The following NSD2 variants were observed in gnomAD, a reference collection of about 807,000 sequenced individuals.
NSD2 encodes the protein nuclear receptor binding SET domain protein 2, also known as histone-lysine N-methyltransferase NSD2.
In NSD2, 12 loss-of-function variants were observed where a neutral mutation model predicts 139.0. The observed-to-expected ratio is 0.09, with a 90% CI of 0.06 to 0.14. The LOEUF is 0.14. Among genes scored for constraint, NSD2 ranks in the 10% least tolerant of loss-of-function variants. The pLI is 1.00. For missense variants in NSD2, 1,155 were observed against 1,745.0 expected, an observed-to-expected ratio of 0.66 and a Z score of 6.02; for synonymous variants, 669 against 648.7, an observed-to-expected ratio of 1.03 and a Z score of -0.48.
At chr4:1,946,597 C>T in intron 9 of NSD2, 2 of 1,026,074 alleles carry the variant, frequency 1.9e-6, no homozygotes, top group Non-Finnish European at 2.3e-6. Flanking sequence ...AAGAAATATT[C>T]TGATTCATAT....
chr4:1,975,573 G>GT (rs2109022448), intron 20 of NSD2, 173 bp downstream of exon 20: 1 of 603,220 alleles, frequency 1.7e-6, no homozygotes, highest in East Asian at 2.8e-5. Context: ...AAGGCCAGTG[G>GT]TTAAGAGTTC....
At chr4:1,872,070 C>T (rs1198392071) in intron 1 of NSD2, among the ~76,000 whole-genome samples, 2 of 151,810 alleles carry the variant, frequency 1.3e-5, no homozygotes, top group Non-Finnish European at 2.9e-5. Context: ...GGCCAGGGGT[C>T]GGGCCGAGGG....
chr4:1,888,204 G>A (rs569369695), intron 1 of NSD2, among the ~76,000 whole-genome samples: 10 of 152,168 alleles, frequency 6.6e-5, no homozygotes, highest in African/African-American at 2.4e-4. Flanking sequence ...CCTGAGGTCA[G>A]GAGTTCGAGA....
At chr4:1,900,307 A>G (rs927200281) in intron 1 of NSD2, among the ~76,000 whole-genome samples, 2 of 152,164 alleles carry the variant, frequency 1.3e-5, no homozygotes, top group African/African-American at 4.8e-5. Context: ...TGTTTCAGGG[A>G]TGATTGGCAA....
chr4:1,907,860 C>T (rs1198144257), intron 3 of NSD2, among the ~76,000 whole-genome samples: 2 of 152,142 alleles, frequency 1.3e-5, no homozygotes, highest in Admixed American at 6.6e-5. Context: ...ATCCACCCAC[C>T]TTGGCCTCCC....
chr4:1,956,548 G>A lies in NSD2; in HGVS notation c.2881+360G>A, dbSNP rs745968741. On this transcript the variant is annotated intron_variant, in intron 15 of 21. Coordinates refer to ENST00000508803, the MANE Select transcript of NSD2 (RefSeq NM_001042424.3). This position sits in a 1 kb window ranked among gnomAD's most constrained non-coding sequence, Gnocchi z 5.3. ...TTGTGCAGCAGGCTCTTGGGGGCTC[G>A]CTTTACCTTTCAGTGCATGAGGAAT... 1.7e-4 allele frequency among the ~76,000 whole-genome samples: 26 copies of A among 152,160 alleles called. No individual in the cohort carries two copies. Among genetic ancestry groups the A allele is most frequent in the Non-Finnish European group, 2.8e-4 (19 of 68,030 alleles).
At chr4:1,931,533 A>G (rs967379356) in intron 6 of NSD2, among the ~76,000 whole-genome samples, 6 of 152,196 alleles carry the variant, frequency 3.9e-5, no homozygotes, top group African/African-American at 9.7e-5. Flanking sequence ...TTAAAAAAAA[A>G]AGTACTGTAT....
chr4:1,896,816 C>CTT (rs1716403608), intron 1 of NSD2, among the ~76,000 whole-genome samples: 2 of 141,398 alleles, frequency 1.4e-5, no homozygotes, highest in Admixed American at 7.3e-5. Flanking sequence ...TTCTTTCTTT[C>CTT]TTTCTTTTCC....
rs1253622631 is a variant in NSD2, at chr4:1,939,767, A to C, written c.1870A>C (p.Thr624Pro). 3.7e-6 allele frequency: 6 copies of C among 1,614,222 alleles called. No homozygotes were observed. Among genetic ancestry groups the C allele is most frequent in the Non-Finnish European group, 5.1e-6 (6 of 1,180,036 alleles). The stretch of plus-strand genomic sequence containing the variant: ...AAGTTCATCTCCTTCTGCATCCTTA[A>C]CTGAGAATGAGGTAAAATAATAATA... ...SKSSSPSASL[T>P]ENEVSDSPGD... Residue 624 changes from threonine to proline, a missense_variant, in exon 9 of 22, where the codon ACT (threonine) becomes CCT (proline). Transcript: ENST00000508803.
intron 1 of NSD2, chr4:1,887,580 GTCC>G (rs1715211621): frequency 2.6e-5 from 4 of 152,660 alleles, no homozygotes; most frequent in African/African-American, 7.2e-5. Context: ...GGCTCAAGCA[GTCC>G]TCCTACTTCA....
At chr4:1,895,693 G>T (rs1039421976) in intron 1 of NSD2, among the ~76,000 whole-genome samples, 1 of 152,218 alleles carries the variant, frequency 6.6e-6, no homozygotes, top group African/African-American at 2.4e-5. Flanking sequence ...TCTCTCAGTG[G>T]CTCTCCCGGG....
At chr4:1,886,726 T>C (rs1375538801) in intron 1 of NSD2, among the ~76,000 whole-genome samples, 1 of 151,916 alleles carries the variant, frequency 6.6e-6, no homozygotes, top group Non-Finnish European at 1.5e-5. Context: ...TAGTCCCAGC[T>C]ACTCAGGAGG....
At position 1,955,180 on chromosome 4, in the gene NSD2, C is replaced by T. The variant is rs1724680286; in HGVS notation, c.2358C>T (p.Val786=). ...CTTCAGGTAAAATGATGCGGTGTGT[C>T]CGCTGCCCCGTTGCCTATCACAGCG... The part of the protein sequence containing the change: ...RPSKGKMMRC[V]RCPVAYHSGD... Residue 786 remains valine, a synonymous_variant, in exon 13 of 22, where the codon GTC becomes GTT. Transcript: ENST00000508803. The surrounding 1 kb of genome is among the most constrained non-coding windows in gnomAD (Gnocchi z 4.7). The T allele has an allele frequency of 4.3e-6, 7 of 1,612,256 alleles. No homozygotes were observed. The highest frequency in any genetic ancestry group is 5.1e-6 in the Non-Finnish European group (6 of 1,178,508).
intron 21 of NSD2, among the ~76,000 whole-genome samples, chr4:1,978,228 C>G (rs1393022590): frequency 6.6e-6 from 1 of 152,198 alleles, no homozygotes; most frequent in Non-Finnish European, 1.5e-5. Context: ...AGGGTGGTCC[C>G]TAACGTGACA....
At chr4:1,895,352 A>C (rs1232162711) in intron 1 of NSD2, among the ~76,000 whole-genome samples, 1 of 152,196 alleles carries the variant, frequency 6.6e-6, no homozygotes, top group East Asian at 1.9e-4. Context: ...TCTTGCTCAT[A>C]GTAGGCACTT....
At chr4:1,909,079 G>A (rs75139506) in intron 3 of NSD2, among the ~76,000 whole-genome samples, 1 of 151,576 alleles carries the variant, frequency 6.6e-6, no homozygotes, top group Non-Finnish European at 1.5e-5. Flanking sequence ...AAAAAAAAAA[G>A]AGTTATATAT....
Position 1,942,079 on chromosome 4 carries a change from A to G in NSD2, c.1881+2301A>G. The G allele has an allele frequency of 8.4e-7, 1 of 1,186,844 alleles. No individual in the cohort carries two copies. The highest frequency in any genetic ancestry group is 1.6e-5 in the African/African-American group (1 of 64,248). The allele number at this position is 1,186,844 out of a possible 1,614,324, so 73.5% of individuals were successfully genotyped here. On this transcript the variant is annotated intron_variant, in intron 9 of 21. Transcript: ENST00000508803. The surrounding 1 kb of genome is among the most constrained non-coding windows in gnomAD (Gnocchi z 4.0). ...TTTGTTTGAAATAAGGTACTTTTAT[A>G]GGGTTGGTATTTCAGAACACTTTAG...
chr4:1,977,015 C>G (rs1004187729), intron 21 of NSD2, among the ~76,000 whole-genome samples: 2 of 152,248 alleles, frequency 1.3e-5, no homozygotes, highest in African/African-American at 4.8e-5. Context: ...ACGCTGGGAA[C>G]TAAAGCCCCT....
intron 9 of NSD2, among the ~76,000 whole-genome samples, chr4:1,949,721 A>G (rs1160297718): frequency 3.3e-5 from 5 of 150,408 alleles, no homozygotes; most frequent in Admixed American, 6.7e-5. Flanking sequence ...CTGAGATTGT[A>G]CCACTGCACT....
Sources: gnomAD v4.1 joint callset for allele counts (sites outside exome capture counted in the v4.1 genomes callset) on GRCh38, gnomAD v4.1.1 for gene constraint, Gnocchi (gnomAD v3.1) non-coding constraint, MANE v1.5 for transcripts, NCBI Gene and HGNC (gene_info 2026-07-23, HGNC 2026-07-21) for gene names.